MELK: variants seen among roughly 807,000 people sequenced by gnomAD.
The protein encoded by MELK is maternal embryonic leucine zipper kinase.
A neutral mutation model predicts 85.0 loss-of-function variants in MELK; 81 were observed. That is an observed-to-expected ratio of 0.95 (90% CI 0.80 to 1.15). The LOEUF (loss-of-function observed/expected upper bound fraction) is 1.15. Ranked by LOEUF, MELK falls within the 50% of genes most tolerant of loss-of-function variation. The pLI is 0.00. For synonymous variants in MELK, 252 were observed against 265.0 expected (o/e 0.95, Z 0.48); for missense variants, 754 against 777.5 (o/e 0.97, Z 0.36).
At chr9:36,648,531 GCT>G (rs1159014666) in intron 11 of MELK, among the ~76,000 whole-genome samples, 156 of 142,722 alleles carry the variant, frequency 1.1e-3, no homozygotes, top group African/African-American at 4.5e-3. Context: ...ACCAAATACA[GCT>G]CAGATGCGGA....
At chr9:36,620,610 C>T (rs927044227) in intron 8 of MELK, among the ~76,000 whole-genome samples, 24 of 141,942 alleles carry the variant, frequency 1.7e-4, no homozygotes, top group Non-Finnish European at 6.0e-5. Context: ...AGTGCAGTGG[C>T]GTGATTATTG....
At chr9:36,639,943 T>C (rs187597200) in intron 10 of MELK, among the ~76,000 whole-genome samples, 1 of 152,334 alleles carries the variant, frequency 6.6e-6, no homozygotes, top group African/African-American at 2.4e-5. Context: ...AACAAGAGGA[T>C]ACCAGGTATT....
chr9:36,623,571 G>T (rs1428493920), intron 8 of MELK, among the ~76,000 whole-genome samples: 1 of 152,204 alleles, frequency 6.6e-6, no homozygotes, highest in Non-Finnish European at 1.5e-5. Context: ...GACATTGCAG[G>T]AGGTGATGTG....
chr9:36,633,085 T>A lies in MELK; in HGVS notation c.736-17T>A. The stretch of plus-strand genomic sequence containing the variant: ...ATTTGAAATGTTAATCTCTAGCTAC[T>A]TTTTAATGGCCACTAGGTGGACCCA... On this transcript the variant is annotated splice_polypyrimidine_tract_variant and intron_variant, in intron 9 of 17. Coordinates refer to ENST00000298048, the MANE Select transcript of MELK (RefSeq NM_014791.4). 1 of 1,567,750 alleles carries A rather than the reference T, an allele frequency of 6.4e-7. No individual in the cohort carries two copies. Among genetic ancestry groups the A allele is most frequent in the Non-Finnish European group, 8.7e-7 (1 of 1,147,066 alleles).
At chr9:36,642,367 G>C (rs1263181757) in intron 10 of MELK, among the ~76,000 whole-genome samples, 1 of 150,646 alleles carries the variant, frequency 6.6e-6, no homozygotes, top group Non-Finnish European at 1.5e-5. Flanking sequence ...TACCAATGCA[G>C]GTCTTGTGGT....
chr9:36,615,240 C>G, intron 8 of MELK, among the ~76,000 whole-genome samples: 1 of 132,460 alleles, frequency 7.5e-6, no homozygotes, highest in South Asian at 2.4e-4. Context: ...GCTGGCCAGG[C>G]GGGGGGCTGA....
chr9:36,620,673 C>T lies in MELK; in HGVS notation c.667-9626C>T, dbSNP rs538795252. On this transcript the variant is annotated intron_variant, in intron 8 of 17. Coordinates refer to ENST00000298048, the MANE Select transcript of MELK (RefSeq NM_014791.4). ...TCAAGCGATTCTCCTGCCTCAGCCTCCAGAGTAGCTGGGACTACAGGTGCT... is the reference window on the plus strand; with the variant it reads ...TCAAGCGATTCTCCTGCCTCAGCCTTCAGAGTAGCTGGGACTACAGGTGCT... Among the ~76,000 whole-genome samples, 4 of 151,686 alleles carry T rather than the reference C, an allele frequency of 2.6e-5. No individual in the cohort carries two copies. In the South Asian group the frequency reaches 6.3e-4, roughly 24 times the overall value.
intron 14 of MELK, among the ~76,000 whole-genome samples, chr9:36,667,074 C>G (rs1832447717): frequency 6.6e-6 from 1 of 152,040 alleles, no homozygotes; most frequent in Non-Finnish European, 1.5e-5. Flanking sequence ...CCCTTTGTGA[C>G]TCATGAGATT....
intron 13 of MELK, among the ~76,000 whole-genome samples, chr9:36,658,484 T>C (rs1253284060): frequency 6.6e-6 from 1 of 152,242 alleles, no homozygotes. Context: ...GTTTTGTTCT[T>C]TTAAATAATT....
Position 36,669,384 on chromosome 9 carries a change from G to A in MELK, c.1483G>A (p.Gly495Ser), listed in dbSNP as rs762610218. ...NSTGTDKLMT[G>S]VISPERRCRS... ...AACAGGAACAGACAAGTTAATGACAGGTGTCATTAGCCCTGAGAGGCGGTA... is the reference window on the plus strand; with the variant it reads ...AACAGGAACAGACAAGTTAATGACAAGTGTCATTAGCCCTGAGAGGCGGTA... Residue 495 changes from glycine (G) to serine (S), a missense_variant, in exon 15 of 18, where the codon GGT becomes AGT. Gly to Ser is a moderately conservative substitution (Grantham distance 56). Coordinates refer to ENST00000298048, the MANE Select transcript of MELK (RefSeq NM_014791.4). The A allele has an allele frequency of 6.2e-7, 1 of 1,603,986 alleles. No individual in the cohort carries two copies.
At chr9:36,669,676 G>A (rs1437554372) in intron 15 of MELK, among the ~76,000 whole-genome samples, 2 of 152,064 alleles carry the variant, frequency 1.3e-5, no homozygotes, top group Admixed American at 6.5e-5. Flanking sequence ...CAGCCAACTA[G>A]TTACCTCTCT....
intron 16 of MELK, 60 bp from the exon 17 acceptor site, chr9:36,674,774 G>T (rs1417322250): frequency 2.1e-6 from 2 of 967,194 alleles, no homozygotes; most frequent in Non-Finnish European, 3.3e-6. Flanking sequence ...TTGATCTGGT[G>T]TGATGGTCTT....
chr9:36,584,419 G>A (rs1007983634), intron 3 of MELK, among the ~76,000 whole-genome samples: 2 of 148,490 alleles, frequency 1.3e-5, no homozygotes, highest in Admixed American at 6.8e-5. Context: ...CCAGGTTCAC[G>A]CCATTCTCCT....
intron 8 of MELK, among the ~76,000 whole-genome samples, chr9:36,623,088 C>T (rs1827594838): frequency 6.6e-6 from 1 of 152,192 alleles, no homozygotes; most frequent in Non-Finnish European, 1.5e-5. Context: ...TTGTAGGGGA[C>T]TGTCATGCAT....
chr9:36,582,415 G>A (rs189024539), intron 2 of MELK, among the ~76,000 whole-genome samples: 199 of 152,310 alleles, frequency 1.3e-3, no homozygotes, highest in African/African-American at 4.3e-3. Flanking sequence ...GAGGCAGGGA[G>A]ATGTTAGCAG....
intron 9 of MELK, among the ~76,000 whole-genome samples, chr9:36,631,424 C>A (rs1244301314): frequency 2.0e-5 from 3 of 152,110 alleles, no homozygotes; most frequent in Non-Finnish European, 4.4e-5. Flanking sequence ...TGCCACCATT[C>A]CTGGCCAATT....
chr9:36,575,227 G>T, intron 1 of MELK, among the ~76,000 whole-genome samples: 1 of 152,132 alleles, frequency 6.6e-6, no homozygotes, highest in Non-Finnish European at 1.5e-5. Context: ...GTCTGATTGG[G>T]GTCTAATTTC....
Position 36,669,297 on chromosome 9 carries a change from C to T in MELK, c.1409-13C>T. ...GTGCTGCATATGGATTGTGTTTGTTCTGTTTCTAATAGCTAGAAACCAGTG... is the reference window on the plus strand; with the variant it reads ...GTGCTGCATATGGATTGTGTTTGTTTTGTTTCTAATAGCTAGAAACCAGTG... On this transcript the variant is annotated splice_polypyrimidine_tract_variant and intron_variant, in intron 14 of 17. Coordinates refer to ENST00000298048, the MANE Select transcript of MELK (RefSeq NM_014791.4). 1 of 1,560,158 alleles carries T rather than the reference C, an allele frequency of 6.4e-7. No individual in the cohort carries two copies. Among genetic ancestry groups the T allele is most frequent in the Non-Finnish European group, 8.8e-7 (1 of 1,139,590 alleles).
intron 3 of MELK, among the ~76,000 whole-genome samples, chr9:36,586,516 T>G (rs1328668769): frequency 6.6e-6 from 1 of 152,224 alleles, no homozygotes; most frequent in African/African-American, 2.4e-5. Context: ...TTTTTTTGTT[T>G]TATTCAATTT....
Sources: gnomAD v4.1 joint callset for allele counts (sites outside exome capture counted in the v4.1 genomes callset) on GRCh38, gnomAD v4.1.1 for gene constraint, MANE v1.5 for transcripts, NCBI Gene and HGNC (gene_info 2026-07-23, HGNC 2026-07-21) for gene names.